The following CATSPERT variants were observed in gnomAD, a reference collection of about 807,000 sequenced individuals.
CATSPERT encodes the protein catsper channel auxiliary subunit tau.
At chr2:201,601,050 A>AT in the CATSPERT span, among the ~76,000 whole-genome samples, 131,433 of 151,968 alleles carry the variant, frequency 0.86, 57,997 homozygotes, top group South Asian at 0.98. Context: ...GCGCCCAGCC[A>AT]TTTTTTAAAA....
the CATSPERT span, chr2:201,492,553 G>A: frequency 1.2e-5 from 19 of 1,535,018 alleles, no homozygotes; most frequent in Admixed American, 3.8e-4. Flanking sequence ...CCTTAGAGAA[G>A]ATATGTTTGG....
At chr2:201,603,031 G>A in the CATSPERT span, among the ~76,000 whole-genome samples, 1 of 152,140 alleles carries the variant, frequency 6.6e-6, no homozygotes, top group Non-Finnish European at 1.5e-5. Flanking sequence ...TAGCCCTTTT[G>A]AACTGTCAGA....
At chr2:201,612,581 GAAAAAAAA>G in the CATSPERT span, among the ~76,000 whole-genome samples, 1 of 111,268 alleles carries the variant, frequency 9.0e-6, no homozygotes, top group East Asian at 2.6e-4. Context: ...CTCCATCTTG[GAAAAAAAA>G]AAAAAAAAAA....
At chr2:201,545,744 A>G in the CATSPERT span, 1 of 533,932 alleles carries the variant, frequency 1.9e-6, no homozygotes, top group East Asian at 3.5e-5. Flanking sequence ...ACCTTCCTCC[A>G]CACCCAAATT....
the CATSPERT span, chr2:201,534,567 G>A: frequency 8.1e-6 from 8 of 982,828 alleles, no homozygotes; most frequent in Non-Finnish European, 9.6e-6. Context: ...ATGGACAAAG[G>A]ACATGATCTG....
At chr2:201,619,114 T>C in the CATSPERT span, 1 of 1,614,122 alleles carries the variant, frequency 6.2e-7, no homozygotes, top group South Asian at 1.1e-5. Context: ...CCTATTTGTC[T>C]CTTGGGGTGG....
the CATSPERT span, among the ~76,000 whole-genome samples, chr2:201,548,054 C>CT: frequency 2.0e-5 from 3 of 151,114 alleles, no homozygotes; most frequent in African/African-American, 2.4e-5. Flanking sequence ...AAACAACAGA[C>CT]TTTTTTTTTA....
the CATSPERT span, chr2:201,495,903 T>C: frequency 6.3e-7 from 1 of 1,588,994 alleles, no homozygotes; most frequent in Non-Finnish European, 8.6e-7. Context: ...ACCTGAAATT[T>C]TGGTTTGAAT....
chr2:201,492,956 A>G, the CATSPERT span: 2 of 1,536,534 alleles, frequency 1.3e-6, no homozygotes, highest in South Asian at 1.2e-5. Context: ...TTTGGACTCA[A>G]AATAGGTTTT....
At chr2:201,618,859 C>T in the CATSPERT span, 141 of 1,596,120 alleles carry the variant, frequency 8.8e-5, no homozygotes, top group Non-Finnish European at 1.1e-4. Context: ...GCCCTGCTGG[C>T]CCCGGTCCTC....
the CATSPERT span, chr2:201,601,793 G>T: frequency 6.2e-7 from 1 of 1,612,062 alleles, no homozygotes; most frequent in Admixed American, 1.7e-5. Context: ...TCTTCTCATC[G>T]TTTTTGGATA....
the CATSPERT span, among the ~76,000 whole-genome samples, chr2:201,526,475 G>A: frequency 7.9e-5 from 12 of 152,194 alleles, no homozygotes; most frequent in East Asian, 1.9e-4. Context: ...CCGAGATCAC[G>A]CCACTGCACT....
chr2:201,533,403 A>G, the CATSPERT span, among the ~76,000 whole-genome samples: 1 of 152,212 alleles, frequency 6.6e-6, no homozygotes, highest in African/African-American at 2.4e-5. Context: ...CAAGAACTTC[A>G]GAATTACTAT....
chr2:201,618,981 C>A, the CATSPERT span: 2 of 1,613,970 alleles, frequency 1.2e-6, no homozygotes, highest in Non-Finnish European at 8.5e-7. Flanking sequence ...CGTAAGGGAC[C>A]GAAGAAGCCT....
chr2:201,524,227 G>A, the CATSPERT span, among the ~76,000 whole-genome samples: 2 of 152,054 alleles, frequency 1.3e-5, no homozygotes, highest in African/African-American at 4.8e-5. Flanking sequence ...GAGGAAAAAA[G>A]GGCAGGTCAT....
chr2:201,534,655 C>T, the CATSPERT span: 14 of 984,824 alleles, frequency 1.4e-5, no homozygotes, highest in Non-Finnish European at 1.7e-5. Context: ...ACCATTAATA[C>T]TCAAATACTG....
At chr2:201,590,647 G>A in the CATSPERT span, among the ~76,000 whole-genome samples, 4 of 152,108 alleles carry the variant, frequency 2.6e-5, no homozygotes, top group African/African-American at 4.8e-5. Context: ...TCCAGCACTT[G>A]TTGTTTCCTG....
the CATSPERT span, among the ~76,000 whole-genome samples, chr2:201,581,905 G>C: frequency 6.6e-6 from 1 of 151,858 alleles, no homozygotes; most frequent in African/African-American, 2.4e-5. Context: ...TAAATTTTTA[G>C]AAACATTATG....
the CATSPERT span, chr2:201,493,777 C>A: frequency 3.3e-6 from 5 of 1,536,816 alleles, no homozygotes; most frequent in Non-Finnish European, 4.4e-6. Flanking sequence ...GCCACTTGAA[C>A]CTGATTTGGA....
Sources: gnomAD v4.1 joint callset for allele counts (sites outside exome capture counted in the v4.1 genomes callset) on GRCh38, gnomAD v4.1.1 for gene constraint, MANE v1.5 for transcripts, NCBI Gene and HGNC (gene_info 2026-07-23, HGNC 2026-07-21) for gene names.